Variants in DIAPH3 observed in about 807,000 individuals in gnomAD.
DIAPH3 encodes protein diaphanous homolog 3.
A neutral mutation model predicts 144.3 loss-of-function variants in DIAPH3; 117 were observed. The ratio of observed to expected loss-of-function variants is 0.81; its 90% confidence interval spans 0.70 to 0.95. The LOEUF (loss-of-function observed/expected upper bound fraction) is 0.95, where lower values mean the gene tolerates loss of function less well. DIAPH3 is among the 40% of genes least tolerant of loss of function. The probability of loss-of-function intolerance (pLI) is 0.00; values close to 1 mark genes in which losing one functional copy is unlikely to be tolerated. For missense variants in DIAPH3, 1,421 were observed against 1,412.7 expected, an observed-to-expected ratio of 1.01 and a Z score of -0.09; for synonymous variants, 519 against 488.9, an observed-to-expected ratio of 1.06 and a Z score of -0.81.
chr13:59,898,201 C>T (rs556074653), intron 20 of DIAPH3, among the ~76,000 whole-genome samples: 1 of 144,054 alleles, frequency 6.9e-6, no homozygotes, highest in African/African-American at 2.6e-5. Context: ...CAGCAGCTAA[C>T]ATAATTGGGC....
At chr13:59,847,575 A>T (rs903611181) in intron 22 of DIAPH3, among the ~76,000 whole-genome samples, 1 of 152,222 alleles carries the variant, frequency 6.6e-6, no homozygotes, top group Admixed American at 6.5e-5. Flanking sequence ...AAGATGTTCA[A>T]AACCATGGTA....
chr13:59,709,585 T>A (rs1234259787), intron 27 of DIAPH3, among the ~76,000 whole-genome samples: 1 of 152,190 alleles, frequency 6.6e-6, no homozygotes, highest in Admixed American at 6.5e-5. Flanking sequence ...CATTAAAAAG[T>A]CAGCAAACAA....
intron 17 of DIAPH3, among the ~76,000 whole-genome samples, 155 bp from the exon 18 acceptor site, chr13:59,925,025 C>A (rs539005837): frequency 6.6e-6 from 1 of 151,988 alleles, no homozygotes; most frequent in Non-Finnish European, 1.5e-5. Context: ...ATCCCAAGAC[C>A]TGAACTGTTG....
intron 15 of DIAPH3, among the ~76,000 whole-genome samples, chr13:59,971,701 A>G (rs2050389925): frequency 6.6e-6 from 1 of 152,200 alleles, no homozygotes; most frequent in Non-Finnish European, 1.5e-5. Flanking sequence ...AACAACAACA[A>G]CAACAAACTA....
intron 21 of DIAPH3, among the ~76,000 whole-genome samples, chr13:59,877,451 A>T (rs1030621889): frequency 9.9e-5 from 15 of 152,126 alleles, no homozygotes; most frequent in African/African-American, 3.1e-4. Flanking sequence ...TTATGCAATG[A>T]TGGTAATGTG....
At chr13:60,140,916 G>A (rs532428378) in intron 1 of DIAPH3, among the ~76,000 whole-genome samples, 35 of 151,982 alleles carry the variant, frequency 2.3e-4, no homozygotes, top group Non-Finnish European at 3.7e-4. Flanking sequence ...CACATTATTC[G>A]TCTGTTTTCT....
intron 4 of DIAPH3, among the ~76,000 whole-genome samples, chr13:60,069,058 A>C (rs1299025239): frequency 6.6e-6 from 1 of 152,188 alleles, no homozygotes; most frequent in African/African-American, 2.4e-5. Flanking sequence ...AGGAAACACC[A>C]TACTGTTTTC....
intron 24 of DIAPH3, among the ~76,000 whole-genome samples, chr13:59,814,458 AC>A (rs1426693552): frequency 6.6e-6 from 1 of 152,228 alleles, no homozygotes; most frequent in African/African-American, 2.4e-5. Context: ...AATAGAGAGC[AC>A]AGAAATAGGT....
At chr13:59,763,153 C>T (rs2037688510) in intron 27 of DIAPH3, among the ~76,000 whole-genome samples, 1 of 152,016 alleles carries the variant, frequency 6.6e-6, no homozygotes, top group African/African-American at 2.4e-5. Context: ...TTTCTGCTAC[C>T]TTGTTTTCCA....
chr13:60,083,088 T>A (rs2057616480), intron 4 of DIAPH3, among the ~76,000 whole-genome samples: 1 of 152,032 alleles, frequency 6.6e-6, no homozygotes, highest in Admixed American at 6.6e-5. Flanking sequence ...ATACCAGGTC[T>A]AGCGGGCTAA....
chr13:59,820,030 A>AAGTG (rs4054916), intron 24 of DIAPH3, among the ~76,000 whole-genome samples: 1 of 10,280 alleles, frequency 9.7e-5, no homozygotes, highest in Non-Finnish European at 2.4e-4. Context: ...AAATGTTAAC[A>AAGTG]AGTATTATTA....
At chr13:59,723,058 A>G (rs2035421810) in intron 27 of DIAPH3, among the ~76,000 whole-genome samples, 1 of 152,184 alleles carries the variant, frequency 6.6e-6, no homozygotes, top group Non-Finnish European at 1.5e-5. Flanking sequence ...CTAAAACTCT[A>G]TAGGAAAAAT....
rs544373787 is a variant in DIAPH3 at position 59,772,708 on chromosome 13, T to C, written c.3319+1481A>G. 3.7e-4 allele frequency among the ~76,000 whole-genome samples: 57 copies of C among 152,200 alleles called. No homozygotes were observed. The Middle Eastern group carries it at 0.01, about 27-fold the overall frequency. Reference sequence around the variant, plus strand: ...ACATAGTATCTAAAAATATATATTTTAAATTAACTGTAGGATGGTATATGC... The same window carrying C: ...ACATAGTATCTAAAAATATATATTTCAAATTAACTGTAGGATGGTATATGC... On this transcript the variant is annotated intron_variant, in intron 27 of 27. Coordinates refer to ENST00000400324, the MANE Select transcript of DIAPH3 (RefSeq NM_001042517.2).
chr13:59,681,825 C>T (rs898074860), intron 27 of DIAPH3, among the ~76,000 whole-genome samples: 8 of 152,118 alleles, frequency 5.3e-5, no homozygotes, highest in African/African-American at 1.9e-4. Flanking sequence ...TAGGGTGGAG[C>T]TCTGATGCAA....
chr13:60,062,946 C>T (rs558835690), intron 4 of DIAPH3, among the ~76,000 whole-genome samples: 157 of 152,318 alleles, frequency 1.0e-3, no homozygotes, highest in African/African-American at 3.6e-3. Context: ...GTGGTTGTTG[C>T]TGATGATTAA....
At chr13:60,127,454 T>C (rs2059018914) in intron 2 of DIAPH3, among the ~76,000 whole-genome samples, 1 of 151,950 alleles carries the variant, frequency 6.6e-6, no homozygotes, top group African/African-American at 2.4e-5. Flanking sequence ...CAGTTTCTTA[T>C]CAAGTTAAAG....
chr13:59,847,922 C>T (rs1014925539), intron 22 of DIAPH3, among the ~76,000 whole-genome samples: 3 of 152,166 alleles, frequency 2.0e-5, no homozygotes, highest in Admixed American at 6.5e-5. Context: ...ACCTTAAACT[C>T]ACTTTTCCAA....
chr13:59,803,667 A>G (rs936419649), intron 25 of DIAPH3, among the ~76,000 whole-genome samples: 5 of 152,182 alleles, frequency 3.3e-5, no homozygotes, highest in African/African-American at 1.2e-4. Context: ...GGCTTGTTGG[A>G]AGGGGACAAA....
At chr13:59,955,217 C>A (rs2049330453) in intron 17 of DIAPH3, among the ~76,000 whole-genome samples, 1 of 151,902 alleles carries the variant, frequency 6.6e-6, no homozygotes, top group Non-Finnish European at 1.5e-5. Context: ...TGTGTCCCCA[C>A]CAAAATCTCA....
Sources: allele counts gnomAD v4.1 joint callset (sites outside exome capture counted in the v4.1 genomes callset), GRCh38; gene constraint gnomAD v4.1.1; transcripts MANE v1.5; gene names NCBI Gene and HGNC (gene_info 2026-07-23, HGNC 2026-07-21).